ENOX2: variants seen among roughly 807,000 people sequenced by gnomAD.
ENOX2 encodes the protein APK1 antigen.
A neutral mutation model predicts 45.0 loss-of-function variants in ENOX2; 36 were observed. The ratio of observed to expected loss-of-function variants is 0.80; its 90% CI spans 0.61 to 1.06. The LOEUF is 1.06. Ranked by LOEUF, ENOX2 falls within the 50% of genes least tolerant of loss-of-function variation. The probability of loss-of-function intolerance (pLI) is 0.00; values close to 1 mark genes in which losing one functional copy is unlikely to be tolerated. For missense variants in ENOX2, 423 were observed against 462.5 expected, an observed-to-expected ratio of 0.91 and a Z score of 0.78; for synonymous variants, 174 against 152.3, an observed-to-expected ratio of 1.14 and a Z score of -1.05.
chrX:130,781,854 G>A (rs1452006156), intron 3 of ENOX2, among the ~76,000 whole-genome samples: 1 of 111,286 alleles, frequency 9.0e-6, no homozygotes, highest in Non-Finnish European at 1.9e-5. Context: ...AAGGGACGAT[G>A]AGAGGAATAA....
chrX:130,759,604 A>AAG (rs2039431640), intron 3 of ENOX2, among the ~76,000 whole-genome samples: 2 of 105,410 alleles, frequency 1.9e-5, no homozygotes, highest in African/African-American at 6.9e-5. Flanking sequence ...AAAAAAAAAA[A>AAG]GTCAGTTGGG....
chrX:130,894,497 T>TA (rs1416555232), intron 2 of ENOX2, among the ~76,000 whole-genome samples: 2 of 110,245 alleles, frequency 1.8e-5, no homozygotes, highest in Non-Finnish European at 3.8e-5. Context: ...ATTAAAATTT[T>TA]ATTCTCAAAT....
intron 5 of ENOX2, among the ~76,000 whole-genome samples, chrX:130,680,720 T>C (rs1448018984): frequency 1.8e-5 from 2 of 112,726 alleles, no homozygotes; most frequent in Non-Finnish European, 3.7e-5. Flanking sequence ...TCCATTCTTT[T>C]CCATTCAGCT....
chrX:130,757,192 C>A (rs1430042747), intron 3 of ENOX2, among the ~76,000 whole-genome samples: 1 of 111,859 alleles, frequency 8.9e-6, no homozygotes, highest in Non-Finnish European at 1.9e-5. Context: ...TGTCTCTGCT[C>A]CCCTAATCCT....
chrX:130,867,768 A>G (rs1024323293), intron 2 of ENOX2, among the ~76,000 whole-genome samples: 8 of 111,739 alleles, frequency 7.2e-5, no homozygotes, highest in African/African-American at 2.6e-4. Flanking sequence ...ACTGCCAAAT[A>G]CCCAGTGACA....
chrX:130,868,229 T>C (rs1038632959), intron 2 of ENOX2, among the ~76,000 whole-genome samples: 1 of 111,734 alleles, frequency 8.9e-6, no homozygotes, highest in African/African-American at 3.3e-5. Flanking sequence ...ACAAATTTCA[T>C]AGAATTATTC....
At chrX:130,886,987 T>C (rs1380032446) in intron 2 of ENOX2, among the ~76,000 whole-genome samples, 4 of 111,690 alleles carry the variant, frequency 3.6e-5, no homozygotes, top group Admixed American at 1.9e-4. Context: ...CAGAGAAGCG[T>C]GCACAATTAA....
intron 3 of ENOX2, among the ~76,000 whole-genome samples, chrX:130,741,251 G>A (rs949182021): frequency 1.8e-5 from 2 of 111,578 alleles, no homozygotes; most frequent in African/African-American, 6.5e-5. Context: ...GTCATGGTTA[G>A]TCTGAGGAGA....
At chrX:130,695,167 A>G (rs900677462) in intron 4 of ENOX2, among the ~76,000 whole-genome samples, 1 of 111,455 alleles carries the variant, frequency 9.0e-6, no homozygotes, top group African/African-American at 3.3e-5. Context: ...TACCTACTCA[A>G]CCTTGTACGT....
At chrX:130,739,427 G>T (rs191344812) in intron 3 of ENOX2, among the ~76,000 whole-genome samples, 267 of 112,267 alleles carry the variant, frequency 2.4e-3, no homozygotes, top group Non-Finnish European at 3.8e-3. Context: ...TTGACTTACG[G>T]TATTTTCAAT....
intron 5 of ENOX2, among the ~76,000 whole-genome samples, chrX:130,687,959 A>G (rs1422455293): frequency 1.8e-5 from 2 of 112,082 alleles, no homozygotes; most frequent in Non-Finnish European, 3.8e-5. Flanking sequence ...TCAAAGATTC[A>G]TATTTATCCT....
At chrX:130,800,614 T>G (rs2077201649) in intron 2 of ENOX2, among the ~76,000 whole-genome samples, 1 of 112,003 alleles carries the variant, frequency 8.9e-6, no homozygotes, top group Admixed American at 9.5e-5. Flanking sequence ...GGAGATAGAA[T>G]TGTGCTTCAG....
At chrX:130,899,307 T>C (rs1361187333) in intron 2 of ENOX2, among the ~76,000 whole-genome samples, 1 of 112,290 alleles carries the variant, frequency 8.9e-6, no homozygotes. Flanking sequence ...TCCCCAGTTA[T>C]ATTCATGCAA....
At chrX:130,690,945 C>T (rs913254426) in intron 4 of ENOX2, among the ~76,000 whole-genome samples, 10 of 111,229 alleles carry the variant, frequency 9.0e-5, no homozygotes, top group Non-Finnish European at 1.5e-4. Context: ...AAAATTCTCC[C>T]AAGAGGAAGT....
chrX:130,832,758 G>C (rs958894301), intron 2 of ENOX2, among the ~76,000 whole-genome samples: 5 of 110,237 alleles, frequency 4.5e-5, no homozygotes, highest in Non-Finnish European at 7.6e-5. Flanking sequence ...TTTGAGAGCA[G>C]GGGTCTCCTA....
At chrX:130,709,273 A>T (rs189945035) in intron 3 of ENOX2, 1 of 1,206,103 alleles carries the variant, frequency 8.3e-7, no homozygotes, top group Non-Finnish European at 1.1e-6. Context: ...ACCCACAGCC[A>T]TCTAAAATCT....
intron 3 of ENOX2, among the ~76,000 whole-genome samples, chrX:130,760,574 T>A (rs887827130): frequency 9.2e-6 from 1 of 108,294 alleles, no homozygotes; most frequent in Non-Finnish European, 1.9e-5. Flanking sequence ...GATCACGAGG[T>A]CAGGAGTTCG....
Position 130,718,781 on chromosome X carries a change from G to A in ENOX2, c.-38-15527C>T, listed in dbSNP as rs762327071. Reference sequence around the variant, plus strand: ...CTGGTCCATGTGGAAGCTTCCCCCCGCATCCCCCGACTTCAAACATCTTCC... The same window carrying A: ...CTGGTCCATGTGGAAGCTTCCCCCCACATCCCCCGACTTCAAACATCTTCC... On this transcript the variant is annotated intron_variant, in intron 3 of 14. Coordinates refer to ENST00000394363, the MANE Select transcript of ENOX2 (RefSeq NM_006375.4). Among the ~76,000 whole-genome samples, 6 of 111,229 alleles carry A rather than the reference G, an allele frequency of 5.4e-5. No homozygotes were observed. In the East Asian group the frequency reaches 8.5e-4, roughly 16 times the overall value.
chrX:130,824,387 G>A lies in ENOX2; in HGVS notation c.-182-40697C>T, dbSNP rs763850828. 5.4e-5 allele frequency among the ~76,000 whole-genome samples: 6 copies of A among 111,419 alleles called. No homozygotes were observed. The East Asian group carries it at 8.4e-4, about 16-fold the overall frequency. Reference sequence around the variant, plus strand: ...TACATTTTTAGTGATAGCAACTCTCGTACATTTGCAGGTAACTTCCAAAGC... The same window carrying A: ...TACATTTTTAGTGATAGCAACTCTCATACATTTGCAGGTAACTTCCAAAGC... On this transcript the variant is annotated intron_variant, in intron 2 of 14. Coordinates refer to ENST00000394363, the MANE Select transcript of ENOX2 (RefSeq NM_006375.4).
Sources: allele counts gnomAD v4.1 joint callset (sites outside exome capture counted in the v4.1 genomes callset), GRCh38; gene constraint gnomAD v4.1.1; transcripts MANE v1.5; gene names NCBI Gene and HGNC (gene_info 2026-07-23, HGNC 2026-07-21).